Variants in RCC1 observed in about 807,000 individuals in gnomAD.
RCC1 encodes the protein regulator of chromosome condensation 1, also known as regulator of chromosome condensation.
In RCC1, 11 loss-of-function variants were observed where a neutral mutation model predicts 44.4. That is an observed-to-expected ratio of 0.25 (90% confidence interval 0.16 to 0.41). The LOEUF (loss-of-function observed/expected upper bound fraction) is 0.41, where lower values mean the gene tolerates loss of function less well. Ranked by LOEUF, RCC1 falls within the 10% of genes least tolerant of loss-of-function variation. The pLI, the probability that RCC1 is intolerant of heterozygous loss-of-function variation, is 1.00. For missense variants in RCC1, 386 were observed against 547.1 expected (o/e 0.71, Z 2.94); for synonymous variants, 213 against 216.5 (o/e 0.98, Z 0.14).
intron 4 of RCC1, among the ~76,000 whole-genome samples, chr1:28,528,135 C>A (rs1663808701): frequency 6.7e-6 from 1 of 149,862 alleles, no homozygotes; most frequent in African/African-American, 2.5e-5. Flanking sequence ...GCCTGGCCAA[C>A]ATGGTGAAAC....
Position 28,516,197 on chromosome 1 carries a change from A to G in RCC1, c.-152-528A>G, listed in dbSNP as rs531372584. Among the ~76,000 whole-genome samples the G allele has an allele frequency of 1.6e-4, 24 of 150,772 alleles. No homozygotes were observed. In the South Asian group the frequency reaches 5.0e-3, roughly 32 times the overall value. ...TTCGAGATCAGCCTGGCCAACATGG[A>G]GAAACCCCATCTCTACTAAAAGTAC... On this transcript the variant is annotated intron_variant, in intron 3 of 12. Coordinates refer to ENST00000683442, the MANE Select transcript of RCC1 (RefSeq NM_001381865.2).
chr1:28,530,581 C>T (rs1664072604), intron 5 of RCC1: 10 of 1,605,698 alleles, frequency 6.2e-6, no homozygotes, highest in South Asian at 2.2e-5. Flanking sequence ...AAGGTGCCTG[C>T]GGGCCGAGCC....
chr1:28,513,025 G>C (rs541438129), intron 3 of RCC1, among the ~76,000 whole-genome samples: 1 of 150,922 alleles, frequency 6.6e-6, no homozygotes, highest in Non-Finnish European at 1.5e-5. Context: ...CACCCGCCTC[G>C]GCCTCCCAAA....
At chr1:28,523,326 A>G (rs1179651196) in intron 4 of RCC1, among the ~76,000 whole-genome samples, 2 of 151,932 alleles carry the variant, frequency 1.3e-5, no homozygotes, top group Admixed American at 1.3e-4. Flanking sequence ...GCCAGAAGAA[A>G]TTTCTAATAA....
chr1:28,534,627 T>C (rs1664427371), intron 7 of RCC1, among the ~76,000 whole-genome samples: 1 of 152,164 alleles, frequency 6.6e-6, no homozygotes, highest in African/African-American at 2.4e-5. Flanking sequence ...ACTAGAGGCT[T>C]GTGCCACCAC....
At chr1:28,525,676 G>A (rs763244235) in intron 4 of RCC1, among the ~76,000 whole-genome samples, 3 of 152,128 alleles carry the variant, frequency 2.0e-5, no homozygotes, top group Non-Finnish European at 4.4e-5. Context: ...GTCAGAACTG[G>A]GCCAGTGACA....
At chr1:28,507,127 C>A (rs1662015534) in intron 1 of RCC1, 2 of 253,816 alleles carry the variant, frequency 7.9e-6, no homozygotes, top group Non-Finnish European at 1.6e-5. Context: ...TTTAGGATAG[C>A]TGGGCCTAAT....
Position 28,530,998 on chromosome 1 carries a change from G to T in RCC1, c.74-805G>T, listed in dbSNP as rs375803183. 6.6e-5 allele frequency among the ~76,000 whole-genome samples: 10 copies of T among 152,288 alleles called. No individual in the cohort carries two copies. The East Asian group carries it at 1.9e-3, about 30-fold the overall frequency. On this transcript the variant is annotated intron_variant, in intron 5 of 12. Transcript: ENST00000683442. The stretch of plus-strand genomic sequence containing the variant: ...GCTATTATAATTAGCTTTCTGCGGG[G>T]CAAGGTGGCTCACGCCTGTCAGAAG...
intron 4 of RCC1, among the ~76,000 whole-genome samples, chr1:28,523,902 C>T (rs1663464686): frequency 6.6e-6 from 1 of 152,182 alleles, no homozygotes; most frequent in South Asian, 2.1e-4. Flanking sequence ...CCACAACCTC[C>T]ACTTCCTGGG....
chr1:28,535,359 C>T lies in RCC1; in HGVS notation c.640C>T (p.Arg214Cys), dbSNP rs1664480265. 3 of 1,614,026 alleles carry T rather than the reference C, an allele frequency of 1.9e-6. No homozygotes were observed. Among genetic ancestry groups the T allele is most frequent in the Non-Finnish European group, 2.5e-6 (3 of 1,180,034 alleles). Reference protein sequence around the residue: ...LGRVPELFANRGGRQGLERLL... With the variant: ...LGRVPELFANCGGRQGLERLL... ...CCGTGTGCCTGAGTTATTTGCCAACCGTGGTGGCCGGCAAGGCCTCGGTAA... is the reference window on the plus strand; with the variant it reads ...CCGTGTGCCTGAGTTATTTGCCAACTGTGGTGGCCGGCAAGGCCTCGGTAA... Residue 214 changes from arginine to cysteine, a missense_variant, in exon 9 of 13, where the codon CGT (arginine) becomes TGT (cysteine). By Grantham distance (180) the Arg-to-Cys change is radical (BLOSUM62 -3). Transcript: ENST00000683442.
At chr1:28,532,135 C>T (rs957394727) in intron 6 of RCC1, 36 bp from the exon 7 acceptor site, 1 of 1,602,068 alleles carries the variant, frequency 6.2e-7, no homozygotes, top group African/African-American at 1.3e-5. Context: ...GACTGCGAGG[C>T]CAGACGTTGC....
Position 28,525,999 on chromosome 1 carries a change from C to T in RCC1, c.-9-3859C>T, listed in dbSNP as rs539013383. On this transcript the variant is annotated intron_variant, in intron 4 of 12. Coordinates refer to ENST00000683442, the MANE Select transcript of RCC1 (RefSeq NM_001381865.2). ...TTCATGACCTTAAAGACTGTGGCTC[C>T]GGCCGGGCATGGTGGCTCACAGCTG... is the stretch of plus-strand genomic sequence containing the variant. Among the ~76,000 whole-genome samples the T allele has an allele frequency of 1.2e-4, 18 of 152,094 alleles. No individual in the cohort carries two copies. In the East Asian group the frequency reaches 1.7e-3, roughly 15 times the overall value.
chr1:28,509,945 T>TGAGC (rs1350635047), intron 3 of RCC1: 1 of 152,208 alleles, frequency 6.6e-6, no homozygotes. Flanking sequence ...ATGAGTTGTA[T>TGAGC]GAGCCTCTAC....
chr1:28,532,958 G>A lies in RCC1; in HGVS notation c.441+608G>A, dbSNP rs541427248. On this transcript the variant is annotated intron_variant, in intron 7 of 12. Transcript: ENST00000683442. ...AGCCTCCCAAGTAGCTGGGATTACA[G>A]GCATGCGCCACCACGCCTGGCTAAT... 2.0e-5 allele frequency among the ~76,000 whole-genome samples: 3 copies of A among 152,162 alleles called. No homozygotes were observed. The East Asian group carries it at 5.8e-4, about 30-fold the overall frequency.
intron 3 of RCC1, among the ~76,000 whole-genome samples, chr1:28,514,171 CG>C (rs975695400): frequency 3.3e-5 from 5 of 149,760 alleles, no homozygotes; most frequent in African/African-American, 9.8e-5. Context: ...AAAAAAAAGG[CG>C]GGGCCCGGTG....
At chr1:28,514,628 G>T (rs1167357077) in intron 3 of RCC1, among the ~76,000 whole-genome samples, 2 of 151,934 alleles carry the variant, frequency 1.3e-5, no homozygotes, top group Non-Finnish European at 2.9e-5. Flanking sequence ...GGGCATGGTG[G>T]CACATGCCTA....
chr1:28,530,725 G>C (rs1032075574), intron 5 of RCC1: 3 of 847,210 alleles, frequency 3.5e-6, no homozygotes, highest in East Asian at 5.7e-5. Context: ...GCTGCGGGTT[G>C]GGGGGCCGCC....
intron 1 of RCC1, chr1:28,506,427 C>G (rs1176642989): frequency 2.9e-6 from 1 of 345,850 alleles, no homozygotes; most frequent in Non-Finnish European, 5.7e-6. Flanking sequence ...TCCGGTGATC[C>G]ACCACCCTCG....
chr1:28,528,844 CTT>C (rs59005617), intron 4 of RCC1, among the ~76,000 whole-genome samples: 12 of 87,222 alleles, frequency 1.4e-4, no homozygotes, highest in African/African-American at 4.2e-4. Context: ...GTTTTTCTTC[CTT>C]TTTTTTTTTT....
Sources: gnomAD v4.1 joint callset for allele counts (sites outside exome capture counted in the v4.1 genomes callset) on GRCh38, gnomAD v4.1.1 for gene constraint, MANE v1.5 for transcripts, NCBI Gene and HGNC (gene_info 2026-07-23, HGNC 2026-07-21) for gene names.